LPP: variants seen among roughly 807,000 people sequenced by gnomAD.
LPP encodes lipoma-preferred partner.
A neutral mutation model predicts 60.4 loss-of-function variants in LPP; 38 were observed. The observed-to-expected ratio is 0.63, with a 90% confidence interval of 0.49 to 0.83. The LOEUF (loss-of-function observed/expected upper bound fraction) is 0.83. Ranked by LOEUF, LPP falls within the 40% of genes least tolerant of loss-of-function variation. The probability of loss-of-function intolerance (pLI) is 0.00; values close to 1 mark genes in which losing one functional copy is unlikely to be tolerated. For synonymous variants in LPP, 328 were observed against 290.8 expected, an observed-to-expected ratio of 1.13 and a Z score of -1.30; for missense variants, 902 against 783.6, an observed-to-expected ratio of 1.15 and a Z score of -1.80.
chr3:188,547,391 G>A (rs990233134), intron 6 of LPP, among the ~76,000 whole-genome samples: 4 of 152,112 alleles, frequency 2.6e-5, no homozygotes, highest in Non-Finnish European at 5.9e-5. Context: ...TCTGAAAACT[G>A]TCAGGGCTAG....
At chr3:188,301,372 T>C (rs946942259) in intron 2 of LPP, among the ~76,000 whole-genome samples, 2 of 152,238 alleles carry the variant, frequency 1.3e-5, no homozygotes, top group Non-Finnish European at 2.9e-5. Context: ...TCGGCCATTT[T>C]TGTTTCATTT....
chr3:188,417,402 A>G (rs1275765511), intron 4 of LPP, among the ~76,000 whole-genome samples: 1 of 151,924 alleles, frequency 6.6e-6, no homozygotes, highest in Non-Finnish European at 1.5e-5. Flanking sequence ...ACCAAGCAGA[A>G]AAGGGTGGTG....
chr3:188,761,976 G>C (rs1397007621), intron 9 of LPP, among the ~76,000 whole-genome samples: 1 of 150,958 alleles, frequency 6.6e-6, no homozygotes, highest in African/African-American at 2.4e-5. Flanking sequence ...AGGCACCCAG[G>C]GTTGTCCTTA....
intron 9 of LPP, among the ~76,000 whole-genome samples, chr3:188,826,205 C>T (rs11717581): frequency 2.0e-5 from 3 of 152,294 alleles, no homozygotes; most frequent in African/African-American, 7.2e-5. Flanking sequence ...AAAGAGAAGC[C>T]TACGCTTTCC....
intron 9 of LPP, among the ~76,000 whole-genome samples, chr3:188,850,842 G>T (rs1191183727): frequency 6.6e-6 from 1 of 152,130 alleles, no homozygotes; most frequent in Non-Finnish European, 1.5e-5. Flanking sequence ...TAGACCTTGG[G>T]CAGACAAAGG....
chr3:188,471,943 T>A (rs1450292394), intron 4 of LPP, among the ~76,000 whole-genome samples: 1 of 152,140 alleles, frequency 6.6e-6, no homozygotes, highest in African/African-American at 2.4e-5. Flanking sequence ...TGTGTTTTAT[T>A]TTGAAGTGAC....
intron 4 of LPP, among the ~76,000 whole-genome samples, chr3:188,411,973 GTCTC>G (rs56025983): frequency 0.43 from 64,898 of 149,674 alleles, 15,118 homozygotes; most frequent in Middle Eastern, 0.64. Flanking sequence ...CTCTTTCTCT[GTCTC>G]TCTCTCTCTC....
chr3:188,821,114 C>T (rs933155735), intron 9 of LPP, among the ~76,000 whole-genome samples: 1 of 151,310 alleles, frequency 6.6e-6, no homozygotes, highest in Non-Finnish European at 1.5e-5. Flanking sequence ...CTCTCTGTAG[C>T]CTCTGATTTT....
intron 4 of LPP, among the ~76,000 whole-genome samples, chr3:188,420,992 G>A (rs1332707526): frequency 6.6e-6 from 1 of 152,114 alleles, no homozygotes; most frequent in Non-Finnish European, 1.5e-5. Flanking sequence ...AATAGGGCAT[G>A]GGTTCTTTCT....
At position 188,470,281 on chromosome 3, in the gene LPP, T is replaced by TAC. The variant is rs59656753; in HGVS notation, c.194-14274_194-14273dup. Among the ~76,000 whole-genome samples the TAC allele has an allele frequency of 1.1e-3, 144 of 126,862 alleles. No homozygotes were observed. In the Middle Eastern group the frequency reaches 0.015, roughly 13 times the overall value. 83.2% of individuals were successfully genotyped at this position (126,862 alleles called of 152,430 possible). A position where few individuals can be genotyped will look rare whatever the true frequency, so the allele number is the denominator to read the frequency against. On this transcript the variant is annotated intron_variant, in intron 4 of 11. Coordinates refer to ENST00000617246, the MANE Select transcript of LPP (RefSeq NM_001375462.1). The stretch of plus-strand genomic sequence containing the variant: ...TCTCTTTTCTTCTCTCTCTCTCTCA[T>TAC]ACACACACACACACACACACACACA...
chr3:188,865,541 T>C (rs929992364), intron 9 of LPP, among the ~76,000 whole-genome samples: 1 of 152,240 alleles, frequency 6.6e-6, no homozygotes, highest in Non-Finnish European at 1.5e-5. Flanking sequence ...GATCGCACTA[T>C]GGTCTAAGTG....
chr3:188,325,679 A>G (rs181227804), intron 2 of LPP, among the ~76,000 whole-genome samples: 275 of 152,114 alleles, frequency 1.8e-3, no homozygotes, highest in Middle Eastern at 3.4e-3. Context: ...GGCTAGGCAC[A>G]CTGTATGGTA....
chr3:188,688,580 G>A (rs902054830), intron 7 of LPP, among the ~76,000 whole-genome samples: 1 of 152,184 alleles, frequency 6.6e-6, no homozygotes, highest in African/African-American at 2.4e-5. Context: ...GCCCTTCAAG[G>A]ACTTTCTAAG....
intron 4 of LPP, among the ~76,000 whole-genome samples, chr3:188,471,568 A>G (rs1801857088): frequency 6.6e-6 from 1 of 152,176 alleles, no homozygotes; most frequent in Admixed American, 6.5e-5. Context: ...AATTGTGATA[A>G]GGTAAATAGA....
intron 1 of LPP, among the ~76,000 whole-genome samples, chr3:188,156,495 G>T (rs1277929025): frequency 6.6e-6 from 1 of 152,140 alleles, no homozygotes; most frequent in South Asian, 2.1e-4. Context: ...GCATCGAGAA[G>T]CCCCCTGCTG....
chr3:188,527,673 A>G (rs891767728), intron 6 of LPP, among the ~76,000 whole-genome samples: 12 of 151,874 alleles, frequency 7.9e-5, no homozygotes, highest in African/African-American at 2.9e-4. Flanking sequence ...ATCTCATCTC[A>G]TATCTGAAGA....
At chr3:188,694,584 C>T (rs999828617) in intron 7 of LPP, among the ~76,000 whole-genome samples, 1 of 151,996 alleles carries the variant, frequency 6.6e-6, no homozygotes, top group African/African-American at 2.4e-5. Flanking sequence ...TGCCTGTAAT[C>T]CCAGCTACTC....
At chr3:188,416,404 A>G (rs1786281685) in intron 4 of LPP, among the ~76,000 whole-genome samples, 7 of 152,218 alleles carry the variant, frequency 4.6e-5, no homozygotes, top group Admixed American at 4.6e-4. Flanking sequence ...ATCTGCATTA[A>G]AACAAAGCAA....
intron 8 of LPP, among the ~76,000 whole-genome samples, chr3:188,726,144 T>C (rs893382498): frequency 2.0e-5 from 3 of 152,054 alleles, no homozygotes; most frequent in African/African-American, 4.8e-5. Context: ...CTGGGTACTA[T>C]TGTGGGGAGA....
Sources: allele counts gnomAD v4.1 joint callset (sites outside exome capture counted in the v4.1 genomes callset), GRCh38; gene constraint gnomAD v4.1.1; transcripts MANE v1.5; gene names NCBI Gene and HGNC (gene_info 2026-07-23, HGNC 2026-07-21).